DLEC1: variants seen among roughly 807,000 people sequenced by gnomAD.
DLEC1 encodes the protein DLEC1 cilia and flagella associated protein.
Under a neutral mutation model 198.1 loss-of-function variants are expected in DLEC1, and 146 were observed. That is an observed-to-expected ratio of 0.74 (90% confidence interval 0.64 to 0.85). The LOEUF is 0.85. DLEC1 is among the 40% of genes least tolerant of loss of function. DLEC1 has a pLI of 0.00. For synonymous variants in DLEC1, 897 were observed against 866.8 expected (o/e 1.03, Z -0.61); for missense variants, 2,233 against 2,220.0 (o/e 1.01, Z -0.12).
chr3:38,077,521 T>C (rs1382916096), intron 6 of DLEC1, among the ~76,000 whole-genome samples: 1 of 152,348 alleles, frequency 6.6e-6, no homozygotes, highest in East Asian at 1.9e-4. Flanking sequence ...TCTGTTCTAC[T>C]TTTCTTGAAG....
chr3:38,085,540 C>T (rs1388528024), intron 8 of DLEC1, 93 bp downstream of exon 8: 2 of 1,489,078 alleles, frequency 1.3e-6, no homozygotes, highest in African/African-American at 2.8e-5. Context: ...TGTATCAGCA[C>T]ACAGCTTGGC....
chr3:38,121,519 C>G (rs1361373086), intron 34 of DLEC1, 109 bp from the exon 35 acceptor site: 2 of 1,415,620 alleles, frequency 1.4e-6, no homozygotes, highest in Admixed American at 4.6e-5. Context: ...TGGGAGCTTC[C>G]CGTTTTCTTC....
Position 38,116,494 on chromosome 3 carries a change from G to A in DLEC1, c.3898G>A (p.Glu1300Lys). 6.2e-7 allele frequency: 1 copy of A among 1,614,116 alleles called. No individual in the cohort carries two copies. The highest frequency in any genetic ancestry group is 1.7e-5 in the Admixed American group (1 of 60,020). ...DWETYVPEDK[E>K]DRLVELLVFY... ...GGAGACCTATGTTCCAGAAGACAAG[G>A]AAGACCGGCTGGTGGAGCTGCTGGT... is the stretch of plus-strand genomic sequence containing the variant. The change falls in exon 28 of 37, where the codon GAA (glutamate) becomes AAA (lysine). Residue 1300 changes from glutamate to lysine, a missense_variant. Physicochemically the swap from Glu to Lys is moderately conservative, Grantham distance 56. Transcript: ENST00000308059.
At chr3:38,118,920 G>A (rs1258199572) in intron 33 of DLEC1, among the ~76,000 whole-genome samples, 1 of 152,166 alleles carries the variant, frequency 6.6e-6, no homozygotes, top group Non-Finnish European at 1.5e-5. Flanking sequence ...GCTAGGTGAT[G>A]GTACTCCCCG....
chr3:38,074,858 A>G (rs1697519892), intron 6 of DLEC1, among the ~76,000 whole-genome samples: 2 of 152,234 alleles, frequency 1.3e-5, no homozygotes, highest in African/African-American at 4.8e-5. Flanking sequence ...GAAAGAGCCT[A>G]AACGCTGACT....
intron 18 of DLEC1, among the ~76,000 whole-genome samples, chr3:38,099,177 C>T (rs1559446499): frequency 6.6e-6 from 1 of 152,202 alleles, no homozygotes; most frequent in Non-Finnish European, 1.5e-5. Flanking sequence ...CCCCACATTC[C>T]AGTCCCCTGC....
chr3:38,082,236 A>G (rs1311950455), intron 6 of DLEC1, among the ~76,000 whole-genome samples: 1 of 122,416 alleles, frequency 8.2e-6, no homozygotes, highest in South Asian at 2.9e-4. Context: ...CCTAGATGTG[A>G]TGGCGGCTGG....
chr3:38,118,094 A>C, intron 33 of DLEC1, 70 bp downstream of exon 33: 1 of 1,505,234 alleles, frequency 6.6e-7, no homozygotes, highest in South Asian at 1.2e-5. Flanking sequence ...GCACCCCTGC[A>C]CGCCACCCTC....
intron 2 of DLEC1, among the ~76,000 whole-genome samples, chr3:38,048,264 T>A (rs931304744): frequency 2.6e-5 from 4 of 152,252 alleles, no homozygotes; most frequent in Non-Finnish European, 5.9e-5. Flanking sequence ...ATTCCTTTTA[T>A]TCCCTCCACC....
At chr3:38,079,355 G>A (rs1437320950) in intron 6 of DLEC1, among the ~76,000 whole-genome samples, 1 of 152,182 alleles carries the variant, frequency 6.6e-6, no homozygotes, top group East Asian at 1.9e-4. Flanking sequence ...AAGCCTGGCT[G>A]TCAATACCCA....
rs531295103 is a variant in DLEC1, at chr3:38,096,653, A to G, written c.2256A>G (p.Glu752=). 1.6e-5 allele frequency: 26 copies of G among 1,613,050 alleles called. No individual in the cohort carries two copies. The South Asian group carries it at 2.7e-4, about 17-fold the overall frequency. ...AAATCGAGGTGAAAGGCTCAGTAGA[A>G]CCTTTCCAGGTTCTCTTAGAGCCAT... The part of the protein sequence containing the change: ...VLEIEVKGSV[E]PFQVLLEPYA... The change falls in exon 15 of 37, where the codon GAA becomes GAG. Residue 752 remains glutamate, a synonymous_variant. Transcript: ENST00000308059.
intron 2 of DLEC1, among the ~76,000 whole-genome samples, chr3:38,058,252 A>C (rs1328164462): frequency 1.3e-5 from 2 of 152,216 alleles, no homozygotes; most frequent in East Asian, 3.8e-4. Context: ...CTTGCCTGGA[A>C]ACATCTGTTG....
chr3:38,108,479 G>A lies in DLEC1; in HGVS notation c.3093G>A (p.Glu1031=). ...ATGGCCTGCTGGGCCCAAGTGAGGA[G>A]TGCCAGCTCAAGTTGGAGTTGACTG... ...PKHGLLGPSE[E]CQLKLELTAH... is the part of the protein sequence containing the mutation. Residue 1031 remains glutamate, a synonymous_variant, in exon 21 of 37, where the codon GAG becomes GAA. Transcript: ENST00000308059. The A allele has an allele frequency of 1.9e-6, 3 of 1,614,198 alleles. No individual in the cohort carries two copies. The highest frequency in any genetic ancestry group is 2.5e-6 in the Non-Finnish European group (3 of 1,180,034).
intron 33 of DLEC1, among the ~76,000 whole-genome samples, chr3:38,120,107 GCTC>G (rs1369036741): frequency 1.3e-5 from 2 of 152,176 alleles, no homozygotes; most frequent in Admixed American, 6.5e-5. Flanking sequence ...CCTGTCAGAG[GCTC>G]CTCACTATCC....
intron 2 of DLEC1, among the ~76,000 whole-genome samples, chr3:38,054,187 CAATA>C (rs1271745176): frequency 1.3e-5 from 2 of 150,236 alleles, no homozygotes; most frequent in Non-Finnish European, 3.0e-5. Flanking sequence ...CAAGAATGAT[CAATA>C]AATACTAAAA....
rs574866773 is a variant in DLEC1, at chr3:38,116,397, C to A, written c.3857-56C>A. On this transcript the variant is annotated intron_variant, in intron 27 of 36. Coordinates refer to ENST00000308059, the MANE Select transcript of DLEC1 (RefSeq NM_007335.4). Reference sequence around the variant, plus strand: ...TGGGGGTATGAGGAGGAGGGGGCCCCGGGGGGTTGTCTGCTCCTCCCTTAT... The same window carrying A: ...TGGGGGTATGAGGAGGAGGGGGCCCAGGGGGGTTGTCTGCTCCTCCCTTAT... The A allele has an allele frequency of 1.3e-5, 21 of 1,593,038 alleles. No individual in the cohort carries two copies. In the East Asian group the frequency reaches 4.1e-4, roughly 31 times the overall value.
rs1253269039 is a variant in DLEC1, at chr3:38,116,791, G to A, written c.4081G>A (p.Ala1361Thr). The change falls in exon 29 of 37, where the codon GCC becomes ACC. Residue 1361 changes from alanine to threonine, a missense_variant. By Grantham distance (58) the Ala-to-Thr change is moderately conservative (BLOSUM62 0). Transcript: ENST00000308059. ...TDSSVEGSSS[A>T]SNRVAQKLIS... ...GTGACAGGTTGAGGGCAGCTCCAGT[G>A]CCAGCAATAGGGTGGCACAGAAGCT... is the stretch of plus-strand genomic sequence containing the variant. The A allele has an allele frequency of 6.2e-7, 1 of 1,613,112 alleles. No homozygotes were observed.
chr3:38,078,927 G>T (rs1239973553), intron 6 of DLEC1, among the ~76,000 whole-genome samples: 1 of 152,226 alleles, frequency 6.6e-6, no homozygotes, highest in Non-Finnish European at 1.5e-5. Context: ...TGGAGGAATT[G>T]TAAGGAGAGT....
intron 19 of DLEC1, among the ~76,000 whole-genome samples, chr3:38,102,663 T>A (rs985580202): frequency 1.1e-4 from 17 of 152,076 alleles, no homozygotes; most frequent in Non-Finnish European, 2.5e-4. Flanking sequence ...GCACCCCTAT[T>A]CTAAGGGATG....
Sources: allele counts gnomAD v4.1 joint callset (sites outside exome capture counted in the v4.1 genomes callset), GRCh38; gene constraint gnomAD v4.1.1; transcripts MANE v1.5; gene names NCBI Gene and HGNC (gene_info 2026-07-23, HGNC 2026-07-21).